The following TRHDE variants were observed in gnomAD, a reference collection of about 807,000 sequenced individuals.
TRHDE encodes thyrotropin-releasing hormone-degrading ectoenzyme.
In TRHDE, 72 loss-of-function variants were observed where a neutral mutation model predicts 125.7. The observed-to-expected ratio is 0.57, with a 90% CI of 0.47 to 0.70. TRHDE has a LOEUF of 0.70. Ranked by LOEUF, TRHDE falls within the 30% of genes least tolerant of loss-of-function variation. TRHDE has a pLI of 0.00. For missense variants in TRHDE, 1,110 were observed against 1,327.1 expected, an observed-to-expected ratio of 0.84 and a Z score of 2.54; for synonymous variants, 509 against 509.1, an observed-to-expected ratio of 1.00 and a Z score of 0.00.
chr12:72,272,776 G>A lies in TRHDE; in HGVS notation c.133G>A (p.Ala45Thr), dbSNP rs1210989786. 2.6e-6 allele frequency: 4 copies of A among 1,551,408 alleles called. No individual in the cohort carries two copies. Among genetic ancestry groups the A allele is most frequent in the Admixed American group, 1.7e-5 (1 of 57,362 alleles). ...AEKSSSPFAA[A>T]MGEDDAALRA... ...GAAGAGCAGCTCACCCTTCGCAGCCGCGATGGGGGAAGACGACGCCGCGCT... is the reference window on the plus strand; with the variant it reads ...GAAGAGCAGCTCACCCTTCGCAGCCACGATGGGGGAAGACGACGCCGCGCT... Residue 45 changes from alanine (A) to threonine (T), a missense_variant, in exon 1 of 19, where the codon GCG (alanine) becomes ACG (threonine). This residue lies in a region of TRHDE where 248 missense variants were observed against 240.8 expected (regional missense o/e 1.03). Coordinates refer to ENST00000261180, the MANE Select transcript of TRHDE (RefSeq NM_013381.3). This position sits in a 1 kb window ranked among gnomAD's most constrained non-coding sequence, Gnocchi z 6.7.
In TRHDE at chr12:72,238,305, T is replaced by C. The variant is rs183576959; in HGVS notation, n.279+132553T>C. ...ATATATATATATATATATATATATA[T>C]ATATATATATATATATACATATATA... is the stretch of plus-strand genomic sequence containing the variant. On this transcript the variant is annotated intron_variant and non_coding_transcript_variant, in intron 2 of 4. Transcript: ENST00000548156. Among the ~76,000 whole-genome samples, 37 of 34,194 alleles carry C rather than the reference T, an allele frequency of 1.1e-3. 3 individuals carry two copies. Among genetic ancestry groups the C allele is most frequent in the Non-Finnish European group, 1.9e-3 (31 of 16,302 alleles). 22.4% of individuals were successfully genotyped at this position (34,194 alleles called of 152,430 possible).
chr12:72,187,138 T>C (rs972254615), intron 2 of TRHDE, among the ~76,000 whole-genome samples: 2 of 152,194 alleles, frequency 1.3e-5, no homozygotes, highest in African/African-American at 4.8e-5. Context: ...AAAAGTCATA[T>C]AGGATTAATT....
intron 3 of TRHDE, among the ~76,000 whole-genome samples, chr12:72,440,730 A>C (rs569060258): frequency 3.1e-4 from 47 of 151,764 alleles, no homozygotes; most frequent in African/African-American, 9.4e-4. Context: ...TGAGGTACAA[A>C]CCCCCCTGCT....
intron 15 of TRHDE, among the ~76,000 whole-genome samples, 194 bp from the exon 16 acceptor site, chr12:72,652,128 G>T (rs1874530905): frequency 6.6e-6 from 1 of 151,928 alleles, no homozygotes; most frequent in Non-Finnish European, 1.5e-5. Context: ...TTGAATAAAA[G>T]ACATTATTTT....
intron 3 of TRHDE, among the ~76,000 whole-genome samples, chr12:72,393,061 A>C (rs1156720128): frequency 6.6e-6 from 1 of 152,176 alleles, no homozygotes; most frequent in East Asian, 1.9e-4. Context: ...CTAATGTTTC[A>C]TATATTGTAT....
intron 2 of TRHDE, among the ~76,000 whole-genome samples, chr12:72,146,491 G>A (rs956518289): frequency 1.2e-4 from 19 of 152,202 alleles, no homozygotes; most frequent in African/African-American, 4.1e-4. Flanking sequence ...ATTTAAGATT[G>A]GGTAGAACTA....
intron 2 of TRHDE, among the ~76,000 whole-genome samples, chr12:72,134,677 C>T (rs757031859): frequency 7.2e-5 from 11 of 152,006 alleles, no homozygotes; most frequent in Admixed American, 3.9e-4. Flanking sequence ...ACTCCTAATA[C>T]GTAGGAGTTC....
intron 2 of TRHDE, among the ~76,000 whole-genome samples, chr12:72,206,742 A>G (rs1877674469): frequency 1.3e-5 from 2 of 152,116 alleles, no homozygotes; most frequent in Non-Finnish European, 2.9e-5. Context: ...ATTTTAAAAA[A>G]GAAAATTAAT....
intron 3 of TRHDE, among the ~76,000 whole-genome samples, chr12:72,427,263 T>C (rs1180091215): frequency 6.6e-6 from 1 of 152,084 alleles, no homozygotes; most frequent in Non-Finnish European, 1.5e-5. Context: ...TGCGTATGTG[T>C]GCCATAGTGC....
chr12:72,105,862 C>T (rs989285239), intron 2 of TRHDE: 1 of 152,136 alleles, frequency 6.6e-6, no homozygotes, highest in Non-Finnish European at 1.5e-5. Flanking sequence ...TTTAGTAGAG[C>T]AGTTATTTAT....
chr12:72,226,634 T>G (rs538634714), intron 2 of TRHDE, among the ~76,000 whole-genome samples: 1 of 152,198 alleles, frequency 6.6e-6, no homozygotes, highest in Admixed American at 6.5e-5. Flanking sequence ...AGAGACCAAA[T>G]AGTAGTTATT....
chr12:72,333,568 A>T (rs1346817504), intron 2 of TRHDE, among the ~76,000 whole-genome samples: 2 of 152,220 alleles, frequency 1.3e-5, no homozygotes, highest in African/African-American at 4.8e-5. Flanking sequence ...GACATGGGCG[A>T]TAGGAACCCA....
At chr12:72,652,679 AT>A (rs1269137246) in intron 16 of TRHDE, among the ~76,000 whole-genome samples, 190 bp downstream of exon 16, 2 of 150,944 alleles carry the variant, frequency 1.3e-5, no homozygotes, top group African/African-American at 4.8e-5. Flanking sequence ...TTTTATGAGT[AT>A]TTATTTTATA....
intron 6 of TRHDE, among the ~76,000 whole-genome samples, chr12:72,537,132 A>G (rs1868903432): frequency 1.3e-5 from 2 of 152,010 alleles, no homozygotes; most frequent in Admixed American, 1.3e-4. Context: ...TTATGCCTCA[A>G]TTTTCTGACC....
intron 3 of TRHDE, among the ~76,000 whole-genome samples, chr12:72,397,978 C>G: frequency 7.9e-6 from 1 of 127,182 alleles, no homozygotes; most frequent in Non-Finnish European, 1.6e-5. Context: ...TGCTATCCCT[C>G]CCCCCTCCCC....
chr12:72,126,345 A>T (rs1200814031), intron 2 of TRHDE, among the ~76,000 whole-genome samples: 1 of 151,552 alleles, frequency 6.6e-6, no homozygotes, highest in Non-Finnish European at 1.5e-5. Context: ...TTCACAAATT[A>T]AAAAAAACCC....
chr12:72,345,100 A>C (rs1312414403), intron 2 of TRHDE, among the ~76,000 whole-genome samples: 2 of 152,152 alleles, frequency 1.3e-5, no homozygotes, highest in East Asian at 3.9e-4. Flanking sequence ...TTAATTAATG[A>C]GGAGTGCAAC....
At chr12:72,586,939 A>G (rs1416081509) in intron 12 of TRHDE, among the ~76,000 whole-genome samples, 2 of 152,222 alleles carry the variant, frequency 1.3e-5, no homozygotes, top group Non-Finnish European at 2.9e-5. Flanking sequence ...ACTTAAACAC[A>G]CTCTAAATTA....
chr12:72,241,008 A>G (rs1051581671), intron 2 of TRHDE, among the ~76,000 whole-genome samples: 1 of 151,858 alleles, frequency 6.6e-6, no homozygotes, highest in African/African-American at 2.4e-5. Context: ...TTTGTCCATT[A>G]TTGTGTGCCT....
Sources: allele counts gnomAD v4.1 joint callset (sites outside exome capture counted in the v4.1 genomes callset), GRCh38; gene constraint gnomAD v4.1.1; regional missense constraint gnomAD v4.1.1; non-coding constraint Gnocchi (gnomAD v3.1); transcripts MANE v1.5; gene names NCBI Gene and HGNC (gene_info 2026-07-23, HGNC 2026-07-21).